The following TMEM123 variants were observed in gnomAD, a reference collection of about 807,000 sequenced individuals.
TMEM123 encodes the protein transmembrane protein 123, also known as porimin.
Under a neutral mutation model 19.7 loss-of-function variants are expected in TMEM123, and 16 were observed. The ratio of observed to expected loss-of-function variants is 0.81; its 90% CI spans 0.55 to 1.23. TMEM123 has a LOEUF of 1.23. TMEM123 is among the 50% of genes most tolerant of loss of function. TMEM123 has a pLI of 0.00. For missense variants in TMEM123, 313 were observed against 257.8 expected (o/e 1.21, Z -1.47); for synonymous variants, 118 against 99.4 (o/e 1.19, Z -1.12).
At chr11:102,435,501 G>T (rs938893664) in intron 2 of TMEM123, among the ~76,000 whole-genome samples, 4 of 151,854 alleles carry the variant, frequency 2.6e-5, no homozygotes, top group Non-Finnish European at 5.9e-5. Flanking sequence ...ATCTAAAATG[G>T]TGTAGCTACT....
At chr11:102,410,109 C>T (rs1312549967) in intron 2 of TMEM123, among the ~76,000 whole-genome samples, 1 of 152,044 alleles carries the variant, frequency 6.6e-6, no homozygotes, top group Non-Finnish European at 1.5e-5. Flanking sequence ...AATTTACTAC[C>T]ACATTTTAGT....
At chr11:102,416,638 G>C (rs1382634302) in intron 2 of TMEM123, among the ~76,000 whole-genome samples, 1 of 151,972 alleles carries the variant, frequency 6.6e-6, no homozygotes, top group Non-Finnish European at 1.5e-5. Context: ...TTCTACCCTA[G>C]CTCATTCTAT....
intron 2 of TMEM123, among the ~76,000 whole-genome samples, chr11:102,413,117 T>C (rs953227704): frequency 6.6e-6 from 1 of 152,162 alleles, no homozygotes; most frequent in Non-Finnish European, 1.5e-5. Context: ...AAATGAACTT[T>C]TGATGTGAGA....
At chr11:102,401,499 A>T (rs575153476) in intron 4 of TMEM123, 40 bp downstream of exon 4, 28 of 1,517,848 alleles carry the variant, frequency 1.8e-5, no homozygotes, top group Non-Finnish European at 5.3e-6. Flanking sequence ...GATGTGCACC[A>T]ACAATTTTTT....
chr11:102,425,489 CTGTT>C (rs771383655), intron 2 of TMEM123, among the ~76,000 whole-genome samples: 2 of 151,452 alleles, frequency 1.3e-5, no homozygotes, highest in Non-Finnish European at 2.9e-5. Flanking sequence ...AAAGCATTGT[CTGTT>C]TTTCGTTTGT....
At chr11:102,400,176 C>T (rs1449606847) in intron 4 of TMEM123, among the ~76,000 whole-genome samples, 2 of 152,192 alleles carry the variant, frequency 1.3e-5, no homozygotes, top group African/African-American at 2.4e-5. Context: ...AGTGTCAAAA[C>T]TGGAAGATTC....
At chr11:102,404,251 C>T (rs1951935210) in intron 2 of TMEM123, among the ~76,000 whole-genome samples, 1 of 152,086 alleles carries the variant, frequency 6.6e-6, no homozygotes, top group Non-Finnish European at 1.5e-5. Context: ...ACTATTTTGG[C>T]CTTATTCTTG....
chr11:102,404,445 G>A (rs527530425), intron 2 of TMEM123, among the ~76,000 whole-genome samples: 34 of 151,664 alleles, frequency 2.2e-4, no homozygotes, highest in Admixed American at 1.2e-3. Context: ...CACGACGCCT[G>A]GCTAATTTTT....
At chr11:102,400,423 A>G (rs2135840468) in intron 4 of TMEM123, among the ~76,000 whole-genome samples, 1 of 152,376 alleles carries the variant, frequency 6.6e-6, no homozygotes, top group East Asian at 1.9e-4. Flanking sequence ...AGTTTACTTT[A>G]GTCAACTGAA....
At chr11:102,410,482 A>G (rs1160097948) in intron 2 of TMEM123, among the ~76,000 whole-genome samples, 1 of 148,718 alleles carries the variant, frequency 6.7e-6, no homozygotes, top group South Asian at 2.1e-4. Context: ...GTTTCCACAG[A>G]CTCAATCCAC....
At chr11:102,448,668 T>C in intron 2 of TMEM123, 144 bp downstream of exon 2, 2 of 698,482 alleles carry the variant, frequency 2.9e-6, no homozygotes, top group Non-Finnish European at 5.1e-6. Context: ...TATAGGGCAC[T>C]AGGGCAGGTT....
chr11:102,408,634 T>A (rs1258770298), intron 2 of TMEM123, among the ~76,000 whole-genome samples: 1 of 152,208 alleles, frequency 6.6e-6, no homozygotes, highest in African/African-American at 2.4e-5. Flanking sequence ...ATTAATTCTT[T>A]ATAACCATTA....
chr11:102,452,585 G>A lies in TMEM123; in HGVS notation c.39C>T (p.Leu13=), dbSNP rs1857954866. The change falls in exon 1 of 5, where the codon CTC becomes CTT. Residue 13 remains leucine, a synonymous_variant. Transcript: ENST00000398136. ...LGARGAWAAL[L]LGTLQVLALL... is the part of the protein sequence containing the mutation. ...GCGCTAGCACCTGCAGCGTCCCCAG[G>A]AGCAGCGCGGCCCAAGCACCTCGCG... is the stretch of plus-strand genomic sequence containing the variant. The A allele has an allele frequency of 6.4e-7, 1 of 1,571,128 alleles. No homozygotes were observed. The highest frequency in any genetic ancestry group is 1.7e-5 in the Admixed American group (1 of 57,780).
intron 2 of TMEM123, among the ~76,000 whole-genome samples, chr11:102,422,816 TA>T (rs796489195): frequency 6.6e-6 from 1 of 152,232 alleles, no homozygotes; most frequent in African/African-American, 2.4e-5. Context: ...TCACAGTATT[TA>T]AAATTTTTAT....
chr11:102,408,643 T>G (rs1951976423), intron 2 of TMEM123, among the ~76,000 whole-genome samples: 1 of 152,232 alleles, frequency 6.6e-6, no homozygotes, highest in Non-Finnish European at 1.5e-5. Flanking sequence ...TTATAACCAT[T>G]AATTTCATTA....
chr11:102,437,222 T>C (rs1017224373), intron 2 of TMEM123, among the ~76,000 whole-genome samples: 1 of 152,120 alleles, frequency 6.6e-6, no homozygotes, highest in African/African-American at 2.4e-5. Flanking sequence ...CACAGGCAAA[T>C]TCAGTGTTTC....
intron 2 of TMEM123, among the ~76,000 whole-genome samples, chr11:102,411,948 G>A (rs1952008985): frequency 6.6e-6 from 1 of 152,148 alleles, no homozygotes; most frequent in Admixed American, 6.5e-5. Flanking sequence ...GTTGCCCTCT[G>A]CTGCCTACCC....
intron 2 of TMEM123, among the ~76,000 whole-genome samples, chr11:102,426,576 T>C (rs1413668329): frequency 2.6e-5 from 4 of 152,112 alleles, no homozygotes; most frequent in Admixed American, 6.5e-5. Context: ...TAAAAGATTT[T>C]ACAAACAAAA....
intron 1 of TMEM123, chr11:102,451,090 T>C (rs1368579717): frequency 1.3e-5 from 2 of 152,166 alleles, no homozygotes; most frequent in African/African-American, 4.8e-5. Context: ...GTTTTGCAAA[T>C]GGGACTAACC....
Sources: gnomAD v4.1 joint callset for allele counts (sites outside exome capture counted in the v4.1 genomes callset) on GRCh38, gnomAD v4.1.1 for gene constraint, MANE v1.5 for transcripts, NCBI Gene and HGNC (gene_info 2026-07-23, HGNC 2026-07-21) for gene names.